Variants in NTN1 observed in about 807,000 individuals in gnomAD.
NTN1 encodes the protein netrin-1.
NTN1 carries 11 observed loss-of-function variants against 54.2 expected under a neutral mutation model. That is an observed-to-expected ratio of 0.20 (90% CI 0.13 to 0.34). NTN1 has a LOEUF of 0.34. Ranked by LOEUF, NTN1 falls within the 10% of genes least tolerant of loss-of-function variation. The pLI is 1.00. For missense variants in NTN1, 740 were observed against 893.1 expected (o/e 0.83, Z 2.18); for synonymous variants, 371 against 382.0 (o/e 0.97, Z 0.33).
chr17:9,133,023 G>A (rs1440431860), intron 2 of NTN1, among the ~76,000 whole-genome samples: 1 of 152,130 alleles, frequency 6.6e-6, no homozygotes, highest in Non-Finnish European at 1.5e-5. Flanking sequence ...TCCACGGACT[G>A]TAGACGCTCA....
intron 2 of NTN1, among the ~76,000 whole-genome samples, chr17:9,119,174 G>A (rs1157308361): frequency 6.6e-6 from 1 of 151,694 alleles, no homozygotes; most frequent in Admixed American, 6.6e-5. Flanking sequence ...TTTTAAAAAT[G>A]TATTATTTAT....
intron 2 of NTN1, among the ~76,000 whole-genome samples, chr17:9,143,560 T>A (rs1345823038): frequency 1.3e-5 from 2 of 152,164 alleles, no homozygotes; most frequent in African/African-American, 4.8e-5. Flanking sequence ...TCCATGTAAA[T>A]GGAGAGTAAA....
In NTN1 at chr17:9,052,679, G is replaced by A. The variant is rs546384264; in HGVS notation, c.1018+29288G>A. 3.3e-5 allele frequency among the ~76,000 whole-genome samples: 5 copies of A among 152,356 alleles called. No individual in the cohort carries two copies. In the South Asian group the frequency reaches 1.0e-3, roughly 32 times the overall value. On this transcript the variant is annotated intron_variant, in intron 2 of 6. Transcript: ENST00000173229. ...AGTAGTCCCAGCTATGCAGGAGCCTGAGGTAGGAAGATAGCTTGAGCCCAG... is the reference window on the plus strand; with the variant it reads ...AGTAGTCCCAGCTATGCAGGAGCCTAAGGTAGGAAGATAGCTTGAGCCCAG...
At chr17:9,003,757 C>T in the NTN1 span, among the ~76,000 whole-genome samples, 2 of 152,196 alleles carry the variant, frequency 1.3e-5, no homozygotes, top group African/African-American at 4.8e-5. This position sits in a 1 kb window ranked among gnomAD's most constrained non-coding sequence, Gnocchi z 7.4. Flanking sequence ...GAATGGTCAG[C>T]GGGCTGGATA....
upstream of NTN1, among the ~76,000 whole-genome samples, chr17:9,019,529 TTA>T: frequency 6.6e-6 from 1 of 152,374 alleles, no homozygotes; most frequent in East Asian, 1.9e-4. Flanking sequence ...GAAAGCCTAT[TTA>T]TATGTGTTAC....
At chr17:9,193,125 T>G (rs1007242564) in intron 5 of NTN1, among the ~76,000 whole-genome samples, 2 of 150,388 alleles carry the variant, frequency 1.3e-5, no homozygotes, top group Non-Finnish European at 3.0e-5. Flanking sequence ...TTTCCTCAAG[T>G]CAGCCACATT....
chr17:9,019,091 G>T (rs2091838009), upstream of NTN1, among the ~76,000 whole-genome samples: 1 of 152,150 alleles, frequency 6.6e-6, no homozygotes. Flanking sequence ...CAAATTTGTG[G>T]CCCACTCAGA....
chr17:9,128,825 A>G (rs1006166513), intron 2 of NTN1, among the ~76,000 whole-genome samples: 1 of 152,208 alleles, frequency 6.6e-6, no homozygotes, highest in Non-Finnish European at 1.5e-5. Context: ...CAGAATCTTC[A>G]TAAGATTTCC....
intron 5 of NTN1, among the ~76,000 whole-genome samples, chr17:9,210,432 ACACCCC>A (rs55714416): frequency 0.012 from 925 of 77,400 alleles, 6 homozygotes; most frequent in African/African-American, 0.043. Flanking sequence ...ACACACACAC[ACACCCC>A]CACACCCACA....
chr17:9,203,525 G>A (rs1273783564), intron 5 of NTN1, among the ~76,000 whole-genome samples: 2 of 151,978 alleles, frequency 1.3e-5, no homozygotes, highest in Non-Finnish European at 2.9e-5. Context: ...CTGGTTGGGC[G>A]CGGTGGCTAA....
At chr17:9,142,694 T>A (rs1430179552) in intron 2 of NTN1, among the ~76,000 whole-genome samples, 1 of 152,088 alleles carries the variant, frequency 6.6e-6, no homozygotes. Flanking sequence ...GCCAGGCATG[T>A]CTCTAGGCCC....
Position 9,214,205 on chromosome 17 carries a change from T to C in NTN1, c.1412-6963T>C, listed in dbSNP as rs113112665. On this transcript the variant is annotated intron_variant, in intron 5 of 6. Coordinates refer to ENST00000173229, the MANE Select transcript of NTN1 (RefSeq NM_004822.3). ...TTTCATTTATTTTCATTATTTCTTC[T>C]TTAATAACAAATAATATCATTGTGG... Among the ~76,000 whole-genome samples the C allele has an allele frequency of 5.4e-3, 817 of 152,224 alleles. 5 individuals carry two copies. The highest frequency in any genetic ancestry group is 0.018 in the African/African-American group (730 of 41,452).
At chr17:9,056,049 C>A (rs936988306) in intron 2 of NTN1, among the ~76,000 whole-genome samples, 5 of 148,910 alleles carry the variant, frequency 3.4e-5, no homozygotes, top group African/African-American at 1.3e-4. Flanking sequence ...AGGTGCACAC[C>A]ATTATGCCTG....
At position 9,227,681 on chromosome 17, in the gene NTN1, C is replaced by G. The variant is rs548194341; in HGVS notation, c.1486+6439C>G. Among the ~76,000 whole-genome samples the G allele has an allele frequency of 6.4e-3, 897 of 140,842 alleles. 10 individuals carry two copies. The highest frequency in any genetic ancestry group is 0.01 in the South Asian group (44 of 4,226). The allele number at this position is 140,842 out of a possible 152,430, so 92.4% of individuals were successfully genotyped here. ...ATACCACACACATCAGATATACACA[C>G]CACACTTATACAGACACACGTATCA... On this transcript the variant is annotated intron_variant, in intron 6 of 6. Coordinates refer to ENST00000173229, the MANE Select transcript of NTN1 (RefSeq NM_004822.3).
At chr17:9,154,044 T>TCCTCA (rs2092335032) in intron 2 of NTN1, among the ~76,000 whole-genome samples, 1 of 152,244 alleles carries the variant, frequency 6.6e-6, no homozygotes, top group African/African-American at 2.4e-5. Flanking sequence ...CTGTGTGATG[T>TCCTCA]CCTCACGGTC....
chr17:9,059,500 G>A (rs779062434), intron 2 of NTN1, among the ~76,000 whole-genome samples: 1 of 152,182 alleles, frequency 6.6e-6, no homozygotes, highest in Non-Finnish European at 1.5e-5. Flanking sequence ...AGGGAATGAA[G>A]TACAACTTAT....
At chr17:9,157,794 C>G (rs1007662115) in intron 2 of NTN1, among the ~76,000 whole-genome samples, 1 of 152,254 alleles carries the variant, frequency 6.6e-6, no homozygotes, top group East Asian at 1.9e-4. Flanking sequence ...GTCTCTGCCA[C>G]CCCCAACCCC....
chr17:9,092,319 C>CTTTTTTTTTTTT (rs148786553), intron 2 of NTN1, among the ~76,000 whole-genome samples: 2 of 91,714 alleles, frequency 2.2e-5, no homozygotes, highest in African/African-American at 4.0e-5. Context: ...CTTTTCTTCT[C>CTTTTTTTTTTTT]TTTTTTTTTT....
At chr17:9,096,156 C>G (rs1306618438) in intron 2 of NTN1, among the ~76,000 whole-genome samples, 1 of 152,054 alleles carries the variant, frequency 6.6e-6, no homozygotes, top group African/African-American at 2.4e-5. Flanking sequence ...CAGGTATCCA[C>G]ATGGTTTCCT....
Sources: gnomAD v4.1 joint callset for allele counts (sites outside exome capture counted in the v4.1 genomes callset) on GRCh38, gnomAD v4.1.1 for gene constraint, Gnocchi (gnomAD v3.1) non-coding constraint, MANE v1.5 for transcripts, NCBI Gene and HGNC (gene_info 2026-07-23, HGNC 2026-07-21) for gene names.